Variants in FAR2 observed in about 807,000 individuals in gnomAD.
FAR2 encodes fatty acyl-CoA reductase 2.
Under a neutral mutation model 56.0 loss-of-function variants are expected in FAR2, and 19 were observed. The observed-to-expected ratio is 0.34, with a 90% CI of 0.24 to 0.50. The LOEUF is 0.50. Ranked by LOEUF, FAR2 falls within the 20% of genes least tolerant of loss-of-function variation. The probability of loss-of-function intolerance (pLI) is 0.98; values close to 1 mark genes in which losing one functional copy is unlikely to be tolerated. For missense variants in FAR2, 508 were observed against 642.2 expected (o/e 0.79, Z 2.26); for synonymous variants, 219 against 218.8 (o/e 1.00, Z -0.01).
chr12:29,155,106 T>A (rs916824623), intron 1 of FAR2, among the ~76,000 whole-genome samples: 2 of 152,196 alleles, frequency 1.3e-5, no homozygotes, highest in African/African-American at 4.8e-5. Flanking sequence ...AAAGCAAAAT[T>A]GTTTTTCATT....
At chr12:29,331,732 C>A (rs1252372252) in intron 10 of FAR2, 4 of 152,100 alleles carry the variant, frequency 2.6e-5, no homozygotes, top group Non-Finnish European at 5.9e-5. Context: ...CATCCTATCT[C>A]CATTTGTAAT....
At chr12:29,241,349 A>T (rs1238838178) in intron 1 of FAR2, among the ~76,000 whole-genome samples, 2 of 152,120 alleles carry the variant, frequency 1.3e-5, no homozygotes, top group Non-Finnish European at 2.9e-5. Context: ...ATCTGGAAAG[A>T]CTTTCTCAAG....
chr12:29,295,958 C>CG, intron 3 of FAR2, among the ~76,000 whole-genome samples: 1 of 150,230 alleles, frequency 6.7e-6, no homozygotes, highest in Non-Finnish European at 1.5e-5. Flanking sequence ...TTAGTAGAGA[C>CG]GGGGTTTCAC....
At chr12:29,235,880 T>C (rs112841773) in intron 1 of FAR2, among the ~76,000 whole-genome samples, 29 of 152,166 alleles carry the variant, frequency 1.9e-4, no homozygotes, top group African/African-American at 6.3e-4. Context: ...TAGGTTGAAT[T>C]AAAAAATACA....
At chr12:29,228,762 G>T (rs1591870466) in intron 1 of FAR2, among the ~76,000 whole-genome samples, 1 of 152,056 alleles carries the variant, frequency 6.6e-6, no homozygotes, top group East Asian at 1.9e-4. Flanking sequence ...TAATTTTTGT[G>T]TTTTCAGTAG....
At chr12:29,227,128 A>G (rs1947781753) in intron 1 of FAR2, among the ~76,000 whole-genome samples, 1 of 152,112 alleles carries the variant, frequency 6.6e-6, no homozygotes, top group African/African-American at 2.4e-5. Flanking sequence ...GAGTGTGGAG[A>G]TGCTCTGTTT....
chr12:29,181,321 C>G (rs1340406661), intron 1 of FAR2, among the ~76,000 whole-genome samples: 1 of 152,116 alleles, frequency 6.6e-6, no homozygotes, highest in Non-Finnish European at 1.5e-5. Flanking sequence ...TATATTACTA[C>G]TACTTCATTA....
At chr12:29,223,225 G>T (rs919112541) in intron 1 of FAR2, among the ~76,000 whole-genome samples, 1 of 152,122 alleles carries the variant, frequency 6.6e-6, no homozygotes, top group African/African-American at 2.4e-5. Flanking sequence ...TAATATGTCA[G>T]GTTTGTGATT....
intron 2 of FAR2, among the ~76,000 whole-genome samples, chr12:29,279,226 A>C (rs1228186922): frequency 8.5e-5 from 13 of 152,170 alleles, no homozygotes; most frequent in Non-Finnish European, 7.3e-5. Context: ...ATCATCTTTC[A>C]TTTCTCATGG....
In FAR2 at chr12:29,203,506, A is replaced by G. The variant is rs79347370; in HGVS notation, c.-39+54099A>G. On this transcript the variant is annotated intron_variant, in intron 1 of 11. Coordinates refer to ENST00000536681, the MANE Select transcript of FAR2 (RefSeq NM_001271783.2). ...GTCTACATACTTATACTTGGGCCCAAGAAAATCTCTAAGTCACAGCAATTG... is the reference window on the plus strand; with the variant it reads ...GTCTACATACTTATACTTGGGCCCAGGAAAATCTCTAAGTCACAGCAATTG... 8.7e-3 allele frequency among the ~76,000 whole-genome samples: 1,331 copies of G among 152,316 alleles called. 27 individuals are homozygous for G. Among genetic ancestry groups the G allele is most frequent in the African/African-American group, 0.03 (1,257 of 41,552 alleles).
intron 9 of FAR2, among the ~76,000 whole-genome samples, chr12:29,321,569 G>GTATT (rs1403002695): frequency 1.3e-5 from 2 of 152,110 alleles, no homozygotes; most frequent in Admixed American, 1.3e-4. Context: ...AAGGAGTCTG[G>GTATT]TATTAAATGC....
intron 2 of FAR2, among the ~76,000 whole-genome samples, chr12:29,284,433 G>A (rs926318367): frequency 6.6e-6 from 1 of 152,198 alleles, no homozygotes; most frequent in African/African-American, 2.4e-5. Context: ...AACAAAGACA[G>A]AGCTAGGCAG....
intron 2 of FAR2, chr12:29,293,058 G>GTTTTTTTTT (rs1040072115): frequency 3.1e-5 from 9 of 291,100 alleles, no homozygotes; most frequent in Non-Finnish European, 5.1e-5. Context: ...GTAGAGACAG[G>GTTTTTTTTT]TTTTTACCAT....
intron 2 of FAR2, among the ~76,000 whole-genome samples, chr12:29,274,150 G>T (rs1457692487): frequency 6.6e-6 from 1 of 151,140 alleles, no homozygotes; most frequent in Non-Finnish European, 1.5e-5. Context: ...CCATTAACTC[G>T]TCATTTAACA....
At chr12:29,157,534 C>T (rs572433483) in intron 1 of FAR2, among the ~76,000 whole-genome samples, 1 of 152,284 alleles carries the variant, frequency 6.6e-6, no homozygotes, top group Admixed American at 6.5e-5. Context: ...ACCACTTACT[C>T]ATCCTTCCAT....
At chr12:29,328,497 A>C (rs1949681757) in intron 10 of FAR2, among the ~76,000 whole-genome samples, 1 of 152,178 alleles carries the variant, frequency 6.6e-6, no homozygotes, top group Non-Finnish European at 1.5e-5. Context: ...AACCAACCCA[A>C]ATGTCCAACA....
chr12:29,300,734 G>T (rs1036569709), intron 4 of FAR2, among the ~76,000 whole-genome samples: 5 of 152,068 alleles, frequency 3.3e-5, no homozygotes, highest in African/African-American at 1.2e-4. Context: ...TTATTTATAA[G>T]GAACCAGGCG....
chr12:29,318,772 T>C (rs1376185386), intron 9 of FAR2, among the ~76,000 whole-genome samples: 1 of 151,988 alleles, frequency 6.6e-6, no homozygotes, highest in Non-Finnish European at 1.5e-5. Context: ...CGGTGTTGTC[T>C]TTTTTTTCTA....
At position 29,333,826 on chromosome 12, in the gene FAR2, C is replaced by G. The variant is rs182424247; in HGVS notation, c.*32C>G. The stretch of plus-strand genomic sequence containing the variant: ...TTAGCCATCGCTTTTTATCTGGAAC[C>G]TCTCAGATACCTCTAAAACAGCAAA... On this transcript the variant is annotated 3_prime_UTR_variant, in exon 12 of 12. Coordinates refer to ENST00000536681, the MANE Select transcript of FAR2 (RefSeq NM_001271783.2). The G allele has an allele frequency of 3.8e-6, 6 of 1,594,076 alleles. No homozygotes were observed. Among genetic ancestry groups the G allele is most frequent in the Non-Finnish European group, 5.1e-6 (6 of 1,165,544 alleles).
Sources: gnomAD v4.1 joint callset for allele counts (sites outside exome capture counted in the v4.1 genomes callset) on GRCh38, gnomAD v4.1.1 for gene constraint, MANE v1.5 for transcripts, NCBI Gene and HGNC (gene_info 2026-07-23, HGNC 2026-07-21) for gene names.